ZNF836: variants seen among roughly 807,000 people sequenced by gnomAD.
ZNF836 encodes the protein zinc finger protein 836.
ZNF836 carries 12 observed loss-of-function variants against 7.4 expected under a neutral mutation model. That is an observed-to-expected ratio of 1.61 (90% CI 1.03 to 2.61). The LOEUF (loss-of-function observed/expected upper bound fraction) is 2.61. ZNF836 is among the 30% of genes most tolerant of loss of function. The probability of loss-of-function intolerance (pLI) is 0.00; values close to 1 mark genes in which losing one functional copy is unlikely to be tolerated. For synonymous variants in ZNF836, 365 were observed against 382.6 expected, an observed-to-expected ratio of 0.95 and a Z score of 0.54; for missense variants, 998 against 1,126.2, an observed-to-expected ratio of 0.89 and a Z score of 1.63.
chr19:52,159,685 TGG>T (rs1568571424), intron 4 of ZNF836, among the ~76,000 whole-genome samples: 1 of 152,112 alleles, frequency 6.6e-6, no homozygotes, highest in Non-Finnish European at 1.5e-5. Context: ...ACTGCAATAA[TGG>T]GAGTGTAAAA....
chr19:52,155,384 T>G lies in ZNF836; in HGVS notation c.2299A>C (p.Arg767=), dbSNP rs2089143483. 1.2e-6 allele frequency: 2 copies of G among 1,613,956 alleles called. No homozygotes were observed. The change falls in exon 5 of 5, where the codon AGG becomes CGG. Residue 767 remains arginine, a synonymous_variant. Coordinates refer to ENST00000682614, the MANE Select transcript of ZNF836 (RefSeq NM_001102657.3). ...TCTCCAGTGTGAATTCTCCGATGCC[T>G]TGCAAGGTTCGAAGTGGAATTAAAG... ...QVFNSTSNLA[R]HRRIHTGEKP...
At chr19:52,158,832 G>A (rs1218587685) in intron 4 of ZNF836, among the ~76,000 whole-genome samples, 1 of 152,090 alleles carries the variant, frequency 6.6e-6, no homozygotes, top group Non-Finnish European at 1.5e-5. Flanking sequence ...CAGCTATATT[G>A]ACTTATGTCT....
intron 3 of ZNF836, among the ~76,000 whole-genome samples, chr19:52,162,797 G>A (rs58757409): frequency 0.043 from 6,510 of 152,270 alleles, 462 homozygotes; most frequent in African/African-American, 0.15. Context: ...AGGGAGTGAC[G>A]GCCCTCAGCA....
Position 52,168,057 on chromosome 19 carries a change from C to G in ZNF836, c.15+1G>C. 3 of 1,604,170 alleles carry G rather than the reference C, an allele frequency of 1.9e-6. No individual in the cohort carries two copies. The highest frequency in any genetic ancestry group is 8.5e-7 in the Non-Finnish European group (1 of 1,171,680). ...ATGATCCACTAAGAATATCATTTTA[C>G]CTGTGTAAGAGCCATCCCTGACTCC... On this transcript the variant is annotated splice_donor_variant, in intron 3 of 4. Transcript: ENST00000682614. LOFTEE classifies it high-confidence loss of function.
chr19:52,166,575 C>CTTT (rs56320677), intron 3 of ZNF836, among the ~76,000 whole-genome samples: 11 of 133,186 alleles, frequency 8.3e-5, no homozygotes, highest in South Asian at 2.4e-4. Flanking sequence ...GTACCAACTT[C>CTTT]TTTTTTTTTT....
chr19:52,156,454 C>G lies in ZNF836; in HGVS notation c.1229G>C (p.Gly410Ala). Residue 410 changes from glycine to alanine, a missense_variant, in exon 5 of 5, where the codon GGA (glycine) becomes GCA (alanine). Gly to Ala is a moderately conservative substitution (Grantham distance 60, BLOSUM62 0). Coordinates refer to ENST00000682614, the MANE Select transcript of ZNF836 (RefSeq NM_001102657.3). ...NLATHQTVHS[G>A]NKPYKCDECG... ...CTCATCACATTTGTAAGGTTTGTTT[C>G]CACTATGAACTGTCTGATGAGTTGC... 6.2e-7 allele frequency: 1 copy of G among 1,614,070 alleles called. No homozygotes were observed. Among genetic ancestry groups the G allele is most frequent in the South Asian group, 1.1e-5 (1 of 91,072 alleles).
chr19:52,155,258 T>G lies in ZNF836; in HGVS notation c.2425A>C (p.Asn809His). Residue 809 changes from asparagine to histidine, a missense_variant, in exon 5 of 5, where the codon AAT becomes CAT. Transcript: ENST00000682614. ...IHTGEKPYVC[N>H]ECGKAFRVRS... Reference sequence around the variant, plus strand: ...ACTCTAAAGGCTTTGCCACACTCATTACACACGTAAGGTTTCTCTCCAGTA... The same window carrying G: ...ACTCTAAAGGCTTTGCCACACTCATGACACACGTAAGGTTTCTCTCCAGTA... 1 of 1,614,078 alleles carries G rather than the reference T, an allele frequency of 6.2e-7. No homozygotes were observed. Among genetic ancestry groups the G allele is most frequent in the Non-Finnish European group, 8.5e-7 (1 of 1,179,958 alleles).
At position 52,155,685 on chromosome 19, in the gene ZNF836, G is replaced by A. The variant is rs768975051; in HGVS notation, c.1998C>T (p.Tyr666=). 10 of 1,614,178 alleles carry A rather than the reference G, an allele frequency of 6.2e-6. No individual in the cohort carries two copies. The South Asian group carries it at 6.6e-5, about 11-fold the overall frequency. ...HRKIHTGEKP[Y]KCNDCGKAYT... is the part of the protein sequence containing the mutation. ...AGGCTTTGCCACAATCATTACATTT[G>A]TAAGGTTTCTCTCCGGTATGAATTT... Residue 666 remains tyrosine (Y), a synonymous_variant, in exon 5 of 5, where the codon TAC becomes TAT. Transcript: ENST00000682614.
In ZNF836 at chr19:52,154,979, G is replaced by A. The variant is rs201384689; in HGVS notation, c.2704C>T (p.Arg902Cys). 1.3e-5 allele frequency: 21 copies of A among 1,610,284 alleles called. No homozygotes were observed. Among genetic ancestry groups the A allele is most frequent in the South Asian group, 9.9e-5 (9 of 90,568 alleles). The part of the protein sequence containing the change: ...CNECGKSFIS[R>C]SGLTKHQTKH... Reference sequence around the variant, plus strand: ...GTCTGATGTTTAGTGAGGCCTGAGCGACTAATGAAAGATTTGCCACACTCA... The same window carrying A: ...GTCTGATGTTTAGTGAGGCCTGAGCAACTAATGAAAGATTTGCCACACTCA... Residue 902 changes from arginine to cysteine, a missense_variant, in exon 5 of 5, where the codon CGC becomes TGC. By Grantham distance (180) the Arg-to-Cys change is radical. Coordinates refer to ENST00000682614, the MANE Select transcript of ZNF836 (RefSeq NM_001102657.3).
In ZNF836 at chr19:52,154,716, A is replaced by G; in HGVS notation, c.*156T>C. 1 of 611,278 alleles carries G rather than the reference A, an allele frequency of 1.6e-6. No homozygotes were observed. Among genetic ancestry groups the G allele is most frequent in the Non-Finnish European group, 2.6e-6 (1 of 380,108 alleles). The allele number at this position is 611,278 out of a possible 1,614,324, so 37.9% of individuals were successfully genotyped here. On this transcript the variant is annotated 3_prime_UTR_variant, in exon 5 of 5. Transcript: ENST00000682614. ...CACCAGAACTCACTATCCCAAGAAG[A>G]GCAAAAAGCGGGTGGTGCTAAACCA...
chr19:52,156,309 T>G lies in ZNF836; in HGVS notation c.1374A>C (p.Ala458=), dbSNP rs2089158660. The stretch of plus-strand genomic sequence containing the variant: ...CTCCAGTATGACTTCTCTGGTGCCT[T>G]GCAAGTTGTGAACGTTGACTGAAGA... ...DKVFSQRSQL[A]RHQRSHTGEK... is the part of the protein sequence containing the mutation. Residue 458 remains alanine (A), a synonymous_variant, in exon 5 of 5, where the codon GCA becomes GCC. Transcript: ENST00000682614. 1.2e-6 allele frequency: 2 copies of G among 1,614,110 alleles called. No homozygotes were observed. The highest frequency in any genetic ancestry group is 1.7e-6 in the Non-Finnish European group (2 of 1,180,020).
At chr19:52,162,914 C>T (rs1230414412) in intron 3 of ZNF836, among the ~76,000 whole-genome samples, 3 of 152,148 alleles carry the variant, frequency 2.0e-5, no homozygotes, top group African/African-American at 4.8e-5. Context: ...AAGTTGATCA[C>T]GATCCCTTTG....
rs2089290837 is a variant in ZNF836, at chr19:52,169,373, AG to A, written c.-81+274del. 2.0e-5 allele frequency among the ~76,000 whole-genome samples: 3 copies of A among 152,266 alleles called. No homozygotes were observed. In the South Asian group the frequency reaches 6.2e-4, roughly 32 times the overall value. ...GGCCGGCAGATCACCTGAGGTTGGG[AG>A]TTCAAGACCAGCCTGACCAACATGG... On this transcript the variant is annotated intron_variant, in intron 2 of 4. Transcript: ENST00000682614.
At chr19:52,157,575 TG>T in intron 4 of ZNF836, 35 bp from the exon 5 acceptor site, 1 of 1,443,914 alleles carries the variant, frequency 6.9e-7, no homozygotes, top group Non-Finnish European at 9.1e-7. Flanking sequence ...GTTTTTTCGT[TG>T]GTTTTTTTTT....
At chr19:52,165,025 G>C (rs951365264) in intron 3 of ZNF836, among the ~76,000 whole-genome samples, 1 of 152,174 alleles carries the variant, frequency 6.6e-6, no homozygotes, top group Non-Finnish European at 1.5e-5. Flanking sequence ...GGGAGGCGGA[G>C]GTTGCAGTTG....
At position 52,155,182 on chromosome 19, in the gene ZNF836, T is replaced by C; in HGVS notation, c.2501A>G (p.Tyr834Cys). Residue 834 changes from tyrosine to cysteine, a missense_variant, in exon 5 of 5, where the codon TAC becomes TGC. Tyr to Cys is a radical substitution (Grantham distance 194). Transcript: ENST00000682614. ...AGCTTTACCACATTCATTACATTTGTAAGGTTTGTCCCCAGTATGCATTTT... is the reference window on the plus strand; with the variant it reads ...AGCTTTACCACATTCATTACATTTGCAAGGTTTGTCCCCAGTATGCATTTT... The part of the protein sequence containing the change: ...HQKMHTGDKP[Y>C]KCNECGKAFI... 6.2e-7 allele frequency: 1 copy of C among 1,614,150 alleles called. No homozygotes were observed. The highest frequency in any genetic ancestry group is 8.5e-7 in the Non-Finnish European group (1 of 1,180,002).
chr19:52,157,491 A>T lies in ZNF836; in HGVS notation c.192T>A (p.Ser64Arg), dbSNP rs1164856974. The change falls in exon 5 of 5, where the codon AGT becomes AGA. Residue 64 changes from serine to arginine, a missense_variant. Physicochemically the swap from Ser to Arg is moderately radical, Grantham distance 110. Transcript: ENST00000682614. ...CTGTTTGGCATTTTTCTCCTGTATT[A>T]CTGTTCCCTATTGGTGGTAATTCCT... ...MTKELPPIGN[S>R]NTGEKCQTVT... 1.1e-5 allele frequency: 17 copies of T among 1,572,210 alleles called. No homozygotes were observed. The highest frequency in any genetic ancestry group is 1.5e-5 in the Non-Finnish European group (17 of 1,164,404).
At chr19:52,164,491 G>T (rs2089244362) in intron 3 of ZNF836, among the ~76,000 whole-genome samples, 2 of 75,306 alleles carry the variant, frequency 2.7e-5, no homozygotes. Context: ...GAAAGAGAAA[G>T]AAAAAGAGAG....
intron 4 of ZNF836, among the ~76,000 whole-genome samples, chr19:52,158,030 G>T (rs1350324820): frequency 1.3e-5 from 2 of 151,934 alleles, no homozygotes; most frequent in Non-Finnish European, 2.9e-5. Flanking sequence ...AATAAAAAAG[G>T]AGTAGAATTC....
Sources: allele counts gnomAD v4.1 joint callset (sites outside exome capture counted in the v4.1 genomes callset), GRCh38; gene constraint gnomAD v4.1.1; transcripts MANE v1.5; gene names NCBI Gene and HGNC (gene_info 2026-07-23, HGNC 2026-07-21).